Variants in TSC2 observed in about 807,000 individuals in gnomAD.
TSC2 encodes the protein tuberin.
In TSC2, 29 loss-of-function variants were observed where a neutral mutation model predicts 202.2. The ratio of observed to expected loss-of-function variants is 0.14; its 90% confidence interval spans 0.11 to 0.20. The LOEUF is 0.20. TSC2 is among the 10% of genes least tolerant of loss of function. TSC2 has a pLI of 1.00. For missense variants in TSC2, 2,429 were observed against 2,420.0 expected (o/e 1.00, Z -0.08); for synonymous variants, 1,349 against 1,044.0 (o/e 1.29, Z -5.63).
In TSC2 at chr16:2,088,898, C is replaced by CAG. The variant is rs2091283426; in HGVS notation, c.*289_*290dup. On this transcript the variant is annotated 3_prime_UTR_variant, in exon 42 of 42. Coordinates refer to ENST00000219476, the MANE Select transcript of TSC2 (RefSeq NM_000548.5). ...GCGCGCGCGCACACACACACACACA[C>CAG]AGTCACCTTCCTCCACCCTGGGAGC... 1 of 431,588 alleles carries CAG rather than the reference C, an allele frequency of 2.3e-6. No homozygotes were observed. Among genetic ancestry groups the CAG allele is most frequent in the South Asian group, 2.5e-5 (1 of 39,332 alleles). The allele number at this position is 431,588 out of a possible 1,614,324, so 26.7% of individuals were successfully genotyped here.
In TSC2 at chr16:2,079,454, G is replaced by T; in HGVS notation, c.3284+26G>T. ...GTGACTGCACCTTCCTTTCCTCCGC[G>T]CCTGCCAGCCTCGACACCGGCTGTC... is the stretch of plus-strand genomic sequence containing the variant. On this transcript the variant is annotated intron_variant, in intron 28 of 41. Coordinates refer to ENST00000219476, the MANE Select transcript of TSC2 (RefSeq NM_000548.5). The surrounding 1 kb of genome is among the most constrained non-coding windows in gnomAD (Gnocchi z 4.6). 6.2e-7 allele frequency: 1 copy of T among 1,612,326 alleles called. No homozygotes were observed. The highest frequency in any genetic ancestry group is 8.5e-7 in the Non-Finnish European group (1 of 1,179,806).
At chr16:2,059,014 G>C in intron 10 of TSC2, 141 bp downstream of exon 10, 1 of 1,389,894 alleles carries the variant, frequency 7.2e-7, no homozygotes, top group South Asian at 1.2e-5. Context: ...TTGCAGCTGG[G>C]GGTGAGGTTT....
At position 2,069,367 on chromosome 16, in the gene TSC2, A is replaced by C. The variant is rs373531713; in HGVS notation, c.1717-1089A>C. 3.8e-4 allele frequency among the ~76,000 whole-genome samples: 58 copies of C among 152,102 alleles called. No individual in the cohort carries two copies. The East Asian group carries it at 9.3e-3, about 24-fold the overall frequency. On this transcript the variant is annotated intron_variant, in intron 16 of 41. Coordinates refer to ENST00000219476, the MANE Select transcript of TSC2 (RefSeq NM_000548.5). Reference sequence around the variant, plus strand: ...AGTCTCGCTCTGTCGCCCCAGCTGGAGTGCAGTGGCGCAATCTTGGTTCAC... The same window carrying C: ...AGTCTCGCTCTGTCGCCCCAGCTGGCGTGCAGTGGCGCAATCTTGGTTCAC...
rs137854378 is a variant in TSC2, at chr16:2,075,902, C to T, written c.2639+10C>T. The T allele has an allele frequency of 5.6e-5, 90 of 1,612,824 alleles. No homozygotes were observed. In the Middle Eastern group the frequency reaches 8.2e-4, roughly 15 times the overall value. On this transcript the variant is annotated intron_variant, in intron 23 of 41. Transcript: ENST00000219476. Reference sequence around the variant, plus strand: ...ACACCAACCCCTCCAAGTGAGTGGTCGCCCCAGGCCCTGTGCCTCCCAGCC... The same window carrying T: ...ACACCAACCCCTCCAAGTGAGTGGTTGCCCCAGGCCCTGTGCCTCCCAGCC...
Position 2,088,523 on chromosome 16 carries a change from G to C in TSC2, c.5337G>C (p.Gln1779His), listed in dbSNP as rs768237144. 1.9e-6 allele frequency: 3 copies of C among 1,612,588 alleles called. No homozygotes were observed. Among genetic ancestry groups the C allele is most frequent in the East Asian group, 2.2e-5 (1 of 44,874 alleles). The change falls in exon 42 of 42, where the codon CAG becomes CAC. Residue 1779 changes from glutamine to histidine, a missense_variant. Transcript: ENST00000219476. ...HPPSHSKAPAQTPAEPTPGYE... is the reference protein window; with the variant it reads ...HPPSHSKAPAHTPAEPTPGYE... Reference sequence around the variant, plus strand: ...CGTCCCATAGCAAAGCCCCTGCACAGACTCCAGCCGAGCCCACACCTGGCT... The same window carrying C: ...CGTCCCATAGCAAAGCCCCTGCACACACTCCAGCCGAGCCCACACCTGGCT...
At chr16:2,071,996 ACCTGCCTGCTGGGCCTCCCTC>A (rs2088501709) in intron 19 of TSC2, 62 bp downstream of exon 19, 1 of 1,512,890 alleles carries the variant, frequency 6.6e-7, no homozygotes, top group African/African-American at 1.4e-5. Context: ...GGGAGCTGCC[ACCTGCCTGCTGGGCCTCCCTC>A]CCTGTCTGGC....
At chr16:2,083,601 C>G in intron 32 of TSC2, 94 bp from the exon 33 acceptor site, 1 of 1,540,434 alleles carries the variant, frequency 6.5e-7, no homozygotes, top group Non-Finnish European at 8.7e-7. Context: ...GGCTGCTGTC[C>G]CTCTGGTCAG....
In TSC2 at chr16:2,088,543, C is replaced by T. The variant is rs770117004; in HGVS notation, c.5357C>T (p.Pro1786Leu). The change falls in exon 42 of 42, where the codon CCT becomes CTT. Residue 1786 changes from proline (P) to leucine (L), a missense_variant. Coordinates refer to ENST00000219476, the MANE Select transcript of TSC2 (RefSeq NM_000548.5). ...APAQTPAEPT[P>L]GYEVGQRKRL... ...GCACAGACTCCAGCCGAGCCCACAC[C>T]TGGCTATGAGGTGGGCCAGCGGAAG... 6 of 1,612,182 alleles carry T rather than the reference C, an allele frequency of 3.7e-6. No individual in the cohort carries two copies. Among genetic ancestry groups the T allele is most frequent in the East Asian group, 2.2e-5 (1 of 44,882 alleles).
At chr16:2,085,455 A>G (rs1232403943) in intron 36 of TSC2, 133 bp downstream of exon 36, 5 of 976,654 alleles carry the variant, frequency 5.1e-6, no homozygotes, top group East Asian at 2.6e-5. Context: ...TGAAGTGCTC[A>G]TTGAGCTCTG....
Position 2,053,464 on chromosome 16 carries a change from G to A in TSC2, c.336+12G>A. 6.4e-7 allele frequency: 1 copy of A among 1,555,568 alleles called. No homozygotes were observed. Among genetic ancestry groups the A allele is most frequent in the South Asian group, 1.2e-5 (1 of 84,384 alleles). Reference sequence around the variant, plus strand: ...TCGTGCAGGGGCAGGTAAGGCCCAGGGCGACGCTGGGATGGGTGACGTCAG... The same window carrying A: ...TCGTGCAGGGGCAGGTAAGGCCCAGAGCGACGCTGGGATGGGTGACGTCAG... On this transcript the variant is annotated intron_variant, in intron 4 of 41. Transcript: ENST00000219476.
chr16:2,055,124 C>G, intron 5 of TSC2: 3 of 521,114 alleles, frequency 5.8e-6, no homozygotes, highest in South Asian at 4.0e-5. Context: ...GGGTTGGGCC[C>G]TGAGTGTACG....
chr16:2,079,422 A>G lies in TSC2; in HGVS notation c.3278A>G (p.Glu1093Gly), dbSNP rs796053494. ...LDSGELQSGP[E>G]SSSSPGVHVR... ...TCGGGGGAGCTGCAGTCCGGCCCGG[A>G]GTCGAGGTGACTGCACCTTCCTTTC... The change falls in exon 28 of 42, where the codon GAG (glutamate) becomes GGG (glycine). Residue 1093 changes from glutamate to glycine, a missense_variant. Transcript: ENST00000219476. The surrounding 1 kb of genome is among the most constrained non-coding windows in gnomAD (Gnocchi z 4.6). 1 of 1,604,976 alleles carries G rather than the reference A, an allele frequency of 6.2e-7. No individual in the cohort carries two copies. Among genetic ancestry groups the G allele is most frequent in the East Asian group, 2.3e-5 (1 of 44,036 alleles).
intron 2 of TSC2, 36 bp from the exon 3 acceptor site, chr16:2,050,364 G>A (rs2150993940): frequency 6.3e-7 from 1 of 1,598,710 alleles, no homozygotes; most frequent in Non-Finnish European, 8.6e-7. Flanking sequence ...CGTGGCCTGA[G>A]CACTGGCCCC....
intron 10 of TSC2, among the ~76,000 whole-genome samples, chr16:2,060,118 C>T (rs993101617): frequency 3.3e-5 from 5 of 152,176 alleles, no homozygotes; most frequent in African/African-American, 4.8e-5. Context: ...GCAATGACGC[C>T]GTGGCACAGA....
intron 29 of TSC2, 147 bp from the exon 30 acceptor site, chr16:2,080,017 TG>T: frequency 9.1e-7 from 1 of 1,097,946 alleles, no homozygotes; most frequent in Non-Finnish European, 1.4e-6. Flanking sequence ...GCCAGCACTG[TG>T]GTGGGCCGTG....
intron 3 of TSC2, among the ~76,000 whole-genome samples, chr16:2,051,715 T>C (rs1464891113): frequency 1.3e-5 from 2 of 152,180 alleles, no homozygotes; most frequent in Non-Finnish European, 2.9e-5. Context: ...TTGCTACCTC[T>C]GCAGCAGCTC....
chr16:2,088,570 G>C lies in TSC2; in HGVS notation c.5384G>C (p.Arg1795Pro), dbSNP rs137854288. 1 of 1,609,894 alleles carries C rather than the reference G, an allele frequency of 6.2e-7. No homozygotes were observed. Among genetic ancestry groups the C allele is most frequent in the East Asian group, 2.2e-5 (1 of 44,874 alleles). Residue 1795 changes from arginine (R) to proline (P), a missense_variant, in exon 42 of 42, where the codon CGC becomes CCC. By Grantham distance (103) the Arg-to-Pro change is moderately radical. Transcript: ENST00000219476. The part of the protein sequence containing the change: ...TPGYEVGQRK[R>P]LISSVEDFTE... ...GGCTATGAGGTGGGCCAGCGGAAGC[G>C]CCTCATCTCCTCGGTGGAGGACTTC...
At position 2,047,995 on chromosome 16, in the gene TSC2, G is replaced by A. The variant is rs879453696; in HGVS notation, c.-100G>A. 4 of 1,508,848 alleles carry A rather than the reference G, an allele frequency of 2.7e-6. No homozygotes were observed. Among genetic ancestry groups the A allele is most frequent in the Non-Finnish European group, 2.7e-6 (3 of 1,130,898 alleles). 93.5% of individuals were successfully genotyped at this position (1,508,848 alleles called of 1,614,324 possible). On this transcript the variant is annotated 5_prime_UTR_variant, in exon 1 of 42. Transcript: ENST00000219476. ...GGAAGTGCGGGTCGCGCTTCCGGCGGCGTCCCGGGGCCAGGGGGGTGCGCC... is the reference window on the plus strand; with the variant it reads ...GGAAGTGCGGGTCGCGCTTCCGGCGACGTCCCGGGGCCAGGGGGGTGCGCC...
chr16:2,062,062 G>A (rs924633182), intron 12 of TSC2, 54 bp downstream of exon 12: 36 of 1,609,756 alleles, frequency 2.2e-5, no homozygotes, highest in African/African-American at 1.6e-4. Context: ...GGGAGGGGCC[G>A]GGTGCTGGGT....
Sources: gnomAD v4.1 joint callset for allele counts (sites outside exome capture counted in the v4.1 genomes callset) on GRCh38, gnomAD v4.1.1 for gene constraint, Gnocchi (gnomAD v3.1) non-coding constraint, MANE v1.5 for transcripts, NCBI Gene and HGNC (gene_info 2026-07-23, HGNC 2026-07-21) for gene names.